LYPLAL1: variants seen among roughly 807,000 people sequenced by gnomAD.
LYPLAL1 encodes lysophospholipase-like protein 1.
A neutral mutation model predicts 19.7 loss-of-function variants in LYPLAL1; 23 were observed. The observed-to-expected ratio is 1.17, with a 90% CI of 0.84 to 1.65. LYPLAL1 has a LOEUF of 1.65. Ranked by LOEUF, LYPLAL1 falls within the 40% of genes most tolerant of loss-of-function variation. The pLI is 0.00. For missense variants in LYPLAL1, 355 were observed against 279.4 expected (o/e 1.27, Z -1.93); for synonymous variants, 119 against 96.3 (o/e 1.24, Z -1.38).
At chr1:219,224,878 T>C in the LYPLAL1 span, among the ~76,000 whole-genome samples, 1 of 152,188 alleles carries the variant, frequency 6.6e-6, no homozygotes, top group Non-Finnish European at 1.5e-5. Flanking sequence ...GTTCTAATTT[T>C]CTAATTCCAT....
Position 219,211,638 on chromosome 1 carries a change from T to G in LYPLAL1, c.624T>G (p.Asn208Lys), listed in dbSNP as rs1483612823. 13 of 1,613,506 alleles carry G rather than the reference T, an allele frequency of 8.1e-6. No homozygotes were observed. The highest frequency in any genetic ancestry group is 1.1e-5 in the Non-Finnish European group (13 of 1,179,614). The change falls in exon 5 of 5, where the codon AAT becomes AAG. Residue 208 changes from asparagine to lysine, a missense_variant. By Grantham distance (94) the Asn-to-Lys change is moderately conservative. Coordinates refer to ENST00000366928, the MANE Select transcript of LYPLAL1 (RefSeq NM_138794.5). ...CCACGAAGTTTCATAGTTTTCCAAA[T>G]GTTTACCATGAGCTAAGCAAAACTG... is the stretch of plus-strand genomic sequence containing the variant. ...GVTTKFHSFP[N>K]VYHELSKTEL...
chr1:219,245,207 TCC>T, the LYPLAL1 span, among the ~76,000 whole-genome samples: 1,385 of 149,508 alleles, frequency 9.3e-3, 9 homozygotes, highest in Non-Finnish European at 0.013. Flanking sequence ...CTTCCTTCCT[TCC>T]TTCCTTCCTT....
At chr1:219,293,842 A>G in the LYPLAL1 span, among the ~76,000 whole-genome samples, 1 of 152,258 alleles carries the variant, frequency 6.6e-6, no homozygotes, top group African/African-American at 2.4e-5. Context: ...CAGAACCTCA[A>G]GTTTAAGGAA....
the LYPLAL1 span, among the ~76,000 whole-genome samples, chr1:219,241,134 C>CTCTA: frequency 0.049 from 2,162 of 44,216 alleles, 86 homozygotes; most frequent in Non-Finnish European, 0.064. Flanking sequence ...CTCTCTCTCT[C>CTCTA]TATATATATA....
At chr1:219,353,775 A>T in the LYPLAL1 span, among the ~76,000 whole-genome samples, 2 of 152,236 alleles carry the variant, frequency 1.3e-5, no homozygotes, top group African/African-American at 4.8e-5. Flanking sequence ...GAAACAGGAA[A>T]ATATGACCCA....
intron 3 of LYPLAL1, among the ~76,000 whole-genome samples, chr1:219,195,170 C>T (rs1657505783): frequency 6.6e-6 from 1 of 152,022 alleles, no homozygotes; most frequent in South Asian, 2.1e-4. Context: ...TGGTTTCTTC[C>T]AGACTCTCAG....
At chr1:219,245,000 A>ATTCT in the LYPLAL1 span, among the ~76,000 whole-genome samples, 1 of 103,088 alleles carries the variant, frequency 9.7e-6, no homozygotes, top group Non-Finnish European at 2.0e-5. Flanking sequence ...TTGCTTCTTT[A>ATTCT]TTCTTTCTTT....
the LYPLAL1 span, among the ~76,000 whole-genome samples, chr1:219,379,120 A>G: frequency 6.6e-6 from 1 of 152,166 alleles, no homozygotes; most frequent in African/African-American, 2.4e-5. Context: ...TTGCCAGTAA[A>G]TCATAAGTAT....
At chr1:219,401,603 A>G in the LYPLAL1 span, among the ~76,000 whole-genome samples, 1 of 152,068 alleles carries the variant, frequency 6.6e-6, no homozygotes, top group African/African-American at 2.4e-5. Context: ...GAAGTACTTT[A>G]TATGTCAAAT....
At chr1:219,361,598 A>G in the LYPLAL1 span, among the ~76,000 whole-genome samples, 86 of 152,204 alleles carry the variant, frequency 5.7e-4, no homozygotes, top group Admixed American at 1.4e-3. Flanking sequence ...TTAGCCACAT[A>G]TTTTTAAAAT....
At chr1:219,396,102 CA>C in the LYPLAL1 span, among the ~76,000 whole-genome samples, 6,191 of 119,078 alleles carry the variant, frequency 0.052, 200 homozygotes, top group African/African-American at 0.12. Context: ...GACTCCATCT[CA>C]AAAAAAAAAA....
chr1:219,349,313 G>C, the LYPLAL1 span, among the ~76,000 whole-genome samples: 1 of 152,156 alleles, frequency 6.6e-6, no homozygotes, highest in South Asian at 2.1e-4. Flanking sequence ...TCTGTGTTAG[G>C]AGCTAACCTA....
the LYPLAL1 span, among the ~76,000 whole-genome samples, chr1:219,352,146 G>A: frequency 6.6e-6 from 1 of 152,304 alleles, no homozygotes; most frequent in South Asian, 2.1e-4. Flanking sequence ...GAAATTGAAG[G>A]CTGACTCTAT....
the LYPLAL1 span, among the ~76,000 whole-genome samples, chr1:219,249,953 A>G: frequency 2.3e-4 from 35 of 152,178 alleles, no homozygotes; most frequent in African/African-American, 8.2e-4. Context: ...CTGGTGACAT[A>G]TAGTCTCCCA....
At chr1:219,418,505 TG>T in the LYPLAL1 span, among the ~76,000 whole-genome samples, 1 of 152,198 alleles carries the variant, frequency 6.6e-6, no homozygotes, top group Non-Finnish European at 1.5e-5. Context: ...AGAGCAGTGT[TG>T]GGTTAACAGC....
chr1:219,382,521 G>A, the LYPLAL1 span, among the ~76,000 whole-genome samples: 2 of 152,006 alleles, frequency 1.3e-5, no homozygotes, highest in African/African-American at 2.4e-5. Flanking sequence ...CACTGCGCCC[G>A]GCTAACCTTT....
chr1:219,320,439 T>A, the LYPLAL1 span, among the ~76,000 whole-genome samples: 54 of 152,272 alleles, frequency 3.5e-4, no homozygotes, highest in East Asian at 5.2e-3. Context: ...TTTTTAAATT[T>A]AATTTAATTT....
At chr1:219,302,451 C>T in the LYPLAL1 span, among the ~76,000 whole-genome samples, 9 of 152,230 alleles carry the variant, frequency 5.9e-5, no homozygotes, top group African/African-American at 2.2e-4. Context: ...CCAGAAGCTC[C>T]TTATGTTGGT....
chr1:219,229,779 C>G, the LYPLAL1 span, among the ~76,000 whole-genome samples: 3 of 152,324 alleles, frequency 2.0e-5, no homozygotes, highest in East Asian at 5.8e-4. Flanking sequence ...ACGAGCCACA[C>G]CCTCATCGCA....
Sources: allele counts gnomAD v4.1 joint callset (sites outside exome capture counted in the v4.1 genomes callset), GRCh38; gene constraint gnomAD v4.1.1; transcripts MANE v1.5; gene names NCBI Gene and HGNC (gene_info 2026-07-23, HGNC 2026-07-21).